The following UNC79 variants were observed in gnomAD, a reference collection of about 807,000 sequenced individuals.
UNC79 encodes the protein protein unc-79 homolog.
Under a neutral mutation model 283.1 loss-of-function variants are expected in UNC79, and 37 were observed. That is an observed-to-expected ratio of 0.13 (90% CI 0.10 to 0.17). The LOEUF is 0.17. UNC79 is among the 10% of genes least tolerant of loss of function. The pLI, the probability that UNC79 is intolerant of heterozygous loss-of-function variation, is 1.00. For synonymous variants in UNC79, 1,107 were observed against 1,200.2 expected (o/e 0.92, Z 1.61); for missense variants, 2,272 against 3,211.1 (o/e 0.71, Z 7.07).
chr14:93,680,845 G>T (rs985946644), intron 41 of UNC79, among the ~76,000 whole-genome samples: 1 of 152,164 alleles, frequency 6.6e-6, no homozygotes, highest in Non-Finnish European at 1.5e-5. Flanking sequence ...TGAATTTTAT[G>T]GGAAAACATG....
chr14:93,401,893 G>A (rs1256571699), intron 1 of UNC79, among the ~76,000 whole-genome samples: 1 of 152,106 alleles, frequency 6.6e-6, no homozygotes, highest in Non-Finnish European at 1.5e-5. Context: ...GAGCATAAGG[G>A]AATAGAAGAG....
chr14:93,592,206 G>A (rs1220262032), intron 22 of UNC79, among the ~76,000 whole-genome samples: 1 of 121,434 alleles, frequency 8.2e-6, no homozygotes, highest in South Asian at 2.6e-4. Context: ...ACTGAGTCTC[G>A]CTCTGTCGCC....
At chr14:93,570,116 T>A (rs982233935) in intron 14 of UNC79, among the ~76,000 whole-genome samples, 1 of 152,092 alleles carries the variant, frequency 6.6e-6, no homozygotes. Flanking sequence ...CTGGCTAATT[T>A]AAAAAAATTT....
intron 37 of UNC79, 76 bp from the exon 41 acceptor site, chr14:93,655,158 A>G: frequency 6.5e-7 from 1 of 1,530,234 alleles, no homozygotes; most frequent in Non-Finnish European, 8.9e-7. Context: ...TGACTTTTAA[A>G]CTGACATTTA....
intron 1 of UNC79, among the ~76,000 whole-genome samples, chr14:93,437,765 C>T (rs1259572037): frequency 6.6e-6 from 1 of 152,134 alleles, no homozygotes; most frequent in African/African-American, 2.4e-5. Flanking sequence ...CAGCATCACG[C>T]CAATCTCTGC....
intron 26 of UNC79, among the ~76,000 whole-genome samples, chr14:93,609,910 A>T (rs891762112): frequency 6.6e-6 from 1 of 152,194 alleles, no homozygotes; most frequent in African/African-American, 2.4e-5. Flanking sequence ...ATAAAAGGAG[A>T]TTAACATTTT....
chr14:93,645,352 A>T (rs1350210063), intron 34 of UNC79, among the ~76,000 whole-genome samples: 1 of 152,228 alleles, frequency 6.6e-6, no homozygotes, highest in Non-Finnish European at 1.5e-5. Flanking sequence ...ATACACATAT[A>T]TTTAAATCTC....
rs141085099 is a variant in UNC79, at chr14:93,568,801, G to GT, written c.1756-3088dup. Among the ~76,000 whole-genome samples the GT allele has an allele frequency of 4.8e-3, 737 of 152,306 alleles. 3 individuals carry two copies. Among genetic ancestry groups the GT allele is most frequent in the African/African-American group, 0.017 (701 of 41,568 alleles). ...ATTGTGTTTCTGGCAGATGGAACAA[G>GT]TTTTTACCTATTCATTATAAGGGCT... On this transcript the variant is annotated intron_variant, in intron 14 of 48. Transcript: ENST00000555664.
chr14:93,351,898 C>T (rs2053986185), intron 1 of UNC79, among the ~76,000 whole-genome samples: 1 of 152,202 alleles, frequency 6.6e-6, no homozygotes, highest in Admixed American at 6.5e-5. Context: ...TCCACCTACA[C>T]TTTGAAGGAC....
chr14:93,619,967 T>C (rs2067001589), intron 29 of UNC79, among the ~76,000 whole-genome samples: 1 of 152,196 alleles, frequency 6.6e-6, no homozygotes, highest in Non-Finnish European at 1.5e-5. Flanking sequence ...AAGAAGAAAA[T>C]TGGTTAAGTA....
chr14:93,589,487 C>T (rs1466565186), intron 22 of UNC79, among the ~76,000 whole-genome samples: 1 of 151,982 alleles, frequency 6.6e-6, no homozygotes. Context: ...AGGTCAGCAT[C>T]TCATCCAGCA....
intron 7 of UNC79, among the ~76,000 whole-genome samples, chr14:93,501,342 TAAAA>T (rs540076096): frequency 6.7e-6 from 1 of 150,188 alleles, no homozygotes; most frequent in African/African-American, 2.5e-5. Context: ...AAAAATAAAT[TAAAA>T]AAAAAAGCAA....
intron 30 of UNC79, among the ~76,000 whole-genome samples, 183 bp from the exon 33 acceptor site, chr14:93,630,618 A>C (rs777651885): frequency 6.6e-6 from 1 of 152,246 alleles, no homozygotes; most frequent in Non-Finnish European, 1.5e-5. Flanking sequence ...TGTCACATAG[A>C]GTCAGCTCTC....
At position 93,431,149 on chromosome 14, in the gene UNC79, G is replaced by C. The variant is rs1169860815; in HGVS notation, c.22+98G>C. The C allele has an allele frequency of 6.5e-6, 4 of 619,670 alleles. No individual in the cohort carries two copies. In the South Asian group the frequency reaches 7.0e-5, roughly 11 times the overall value. The allele number at this position is 619,670 out of a possible 1,614,324, so 38.4% of individuals were successfully genotyped here. ...GCTGGGAGACCTTGGCATTGTGCTG[G>C]TGCGGGGGTGGGGGCTGAGGTTGGG... On this transcript the variant is annotated intron_variant, in intron 1 of 48. Coordinates refer to ENST00000555664, the Ensembl canonical transcript of UNC79.
chr14:93,666,482 A>G (rs1360561777), intron 40 of UNC79, among the ~76,000 whole-genome samples: 1 of 152,172 alleles, frequency 6.6e-6, no homozygotes, highest in African/African-American at 2.4e-5. Context: ...AAGTTAGTCA[A>G]CTGACTTTAA....
intron 40 of UNC79, among the ~76,000 whole-genome samples, chr14:93,669,143 A>G (rs1219664738): frequency 1.3e-5 from 2 of 152,176 alleles, no homozygotes; most frequent in East Asian, 3.8e-4. Flanking sequence ...AGAACAACCT[A>G]TAGGTTTAGT....
intron 14 of UNC79, among the ~76,000 whole-genome samples, chr14:93,548,513 ATGT>A (rs1232689869): frequency 6.6e-6 from 1 of 152,226 alleles, no homozygotes; most frequent in Non-Finnish European, 1.5e-5. Flanking sequence ...AATCTAAAAA[ATGT>A]TGTTTTTTTA....
chr14:93,599,466 G>A (rs746990044), intron 24 of UNC79, among the ~76,000 whole-genome samples: 79 of 152,054 alleles, frequency 5.2e-4, no homozygotes, highest in Non-Finnish European at 8.1e-4. Flanking sequence ...AAGCTTGCAC[G>A]ACCTGAAAGA....
At chr14:93,673,485 T>C in intron 41 of UNC79, 30 bp downstream of exon 44, 1 of 1,592,176 alleles carries the variant, frequency 6.3e-7, no homozygotes, top group Non-Finnish European at 8.6e-7. Flanking sequence ...GTAAAACTTT[T>C]CATGAGATCC....
Sources: allele counts gnomAD v4.1 joint callset (sites outside exome capture counted in the v4.1 genomes callset), GRCh38; gene constraint gnomAD v4.1.1; transcripts MANE v1.5; gene names NCBI Gene and HGNC (gene_info 2026-07-23, HGNC 2026-07-21).